The following KIF13B variants were observed in gnomAD, a reference collection of about 807,000 sequenced individuals.
KIF13B encodes the protein kinesin-like protein KIF13B.
In KIF13B, 127 loss-of-function variants were observed where a neutral mutation model predicts 222.0. That is an observed-to-expected ratio of 0.57 (90% CI 0.50 to 0.66). KIF13B has a LOEUF of 0.66. KIF13B is among the 30% of genes least tolerant of loss of function. The pLI, the probability that KIF13B is intolerant of heterozygous loss-of-function variation, is 0.00. For missense variants in KIF13B, 2,173 were observed against 2,379.0 expected (o/e 0.91, Z 1.80); for synonymous variants, 976 against 919.0 (o/e 1.06, Z -1.12).
In KIF13B at chr8:29,216,285, C is replaced by T. The variant is rs145685931; in HGVS notation, c.150-20086G>A. Among the ~76,000 whole-genome samples, 64 of 152,254 alleles carry T rather than the reference C, an allele frequency of 4.2e-4. 1 individual carries two copies. Among genetic ancestry groups the T allele is most frequent in the African/African-American group, 1.5e-3 (63 of 41,542 alleles). On this transcript the variant is annotated intron_variant, in intron 2 of 39. Coordinates refer to ENST00000524189, the MANE Select transcript of KIF13B (RefSeq NM_015254.4). Reference sequence around the variant, plus strand: ...TTCAGTAACAAAGCTAGATTCAAACCTAGGTCTCTCATTCTAAAGCCACGT... The same window carrying T: ...TTCAGTAACAAAGCTAGATTCAAACTTAGGTCTCTCATTCTAAAGCCACGT...
At chr8:29,084,643 G>C (rs1210167209) in intron 37 of KIF13B, among the ~76,000 whole-genome samples, 1 of 152,170 alleles carries the variant, frequency 6.6e-6, no homozygotes, top group East Asian at 1.9e-4. Context: ...TAATTCTCCA[G>C]ATTCATCAAA....
chr8:29,170,557 T>C (rs1812192446), intron 10 of KIF13B, among the ~76,000 whole-genome samples: 1 of 151,706 alleles, frequency 6.6e-6, no homozygotes, highest in Non-Finnish European at 1.5e-5. Flanking sequence ...GACCCAAAGA[T>C]AGAGAAGCAT....
intron 2 of KIF13B, among the ~76,000 whole-genome samples, chr8:29,205,920 C>CAA (rs34524562): frequency 2.1e-5 from 3 of 144,926 alleles, no homozygotes; most frequent in African/African-American, 7.7e-5. Context: ...CCATTTCTAC[C>CAA]AAAAAAAAAA....
chr8:29,177,644 G>C (rs1437409175), intron 8 of KIF13B, 66 bp from the exon 9 acceptor site: 12 of 1,055,594 alleles, frequency 1.1e-5, no homozygotes, highest in Non-Finnish European at 1.6e-5. Flanking sequence ...GCTCATGCCA[G>C]TAATCCCAGC....
At chr8:29,152,504 A>G (rs1424803927) in intron 14 of KIF13B, among the ~76,000 whole-genome samples, 1 of 152,086 alleles carries the variant, frequency 6.6e-6, no homozygotes, top group Non-Finnish European at 1.5e-5. Context: ...CAAAACTACC[A>G]CCTTGATCAG....
intron 28 of KIF13B, 112 bp downstream of exon 28, chr8:29,123,254 T>TC (rs1371681647): frequency 4.2e-5 from 50 of 1,178,000 alleles, no homozygotes; most frequent in African/African-American, 6.1e-5. Context: ...AAACAACATT[T>TC]CCCCCCATGC....
At chr8:29,200,752 T>C (rs1374529906) in intron 2 of KIF13B, among the ~76,000 whole-genome samples, 1 of 152,232 alleles carries the variant, frequency 6.6e-6, no homozygotes. Context: ...TGGGGCACTT[T>C]GTCTGTCATG....
chr8:29,175,859 T>C (rs1304789980), intron 10 of KIF13B, among the ~76,000 whole-genome samples: 1 of 152,186 alleles, frequency 6.6e-6, no homozygotes, highest in Admixed American at 6.5e-5. Flanking sequence ...CCCCACTGCA[T>C]CCAGGTTCTA....
At chr8:29,228,836 A>C (rs537094620) in intron 2 of KIF13B, among the ~76,000 whole-genome samples, 6 of 152,104 alleles carry the variant, frequency 3.9e-5, no homozygotes, top group Admixed American at 3.9e-4. Flanking sequence ...CTCTCACCTA[A>C]CTCTAAACAT....
At chr8:29,228,736 T>G (rs968176564) in intron 2 of KIF13B, among the ~76,000 whole-genome samples, 11 of 152,072 alleles carry the variant, frequency 7.2e-5, no homozygotes, top group Non-Finnish European at 1.6e-4. Context: ...ATGCTGTGGC[T>G]GCTTGCTAAT....
intron 24 of KIF13B, among the ~76,000 whole-genome samples, chr8:29,128,244 G>A (rs1212199542): frequency 3.3e-5 from 5 of 151,876 alleles, no homozygotes; most frequent in Admixed American, 3.3e-4. Flanking sequence ...TATTTTAAAA[G>A]AGAATTCACA....
At chr8:29,161,698 A>ACC (rs1404351502) in intron 12 of KIF13B, among the ~76,000 whole-genome samples, 47 of 56,542 alleles carry the variant, frequency 8.3e-4, no homozygotes, top group East Asian at 6.7e-3. Flanking sequence ...TCCATCTCAA[A>ACC]ACCCCCCCCC....
intron 1 of KIF13B, among the ~76,000 whole-genome samples, chr8:29,254,274 T>C (rs1341999261): frequency 2.6e-5 from 4 of 152,186 alleles, no homozygotes; most frequent in African/African-American, 9.7e-5. Flanking sequence ...TGTTAGATAA[T>C]GGTTTCTCAG....
At chr8:29,110,152 G>A in intron 32 of KIF13B, 82 bp from the exon 33 acceptor site, 1 of 1,178,044 alleles carries the variant, frequency 8.5e-7, no homozygotes, top group Non-Finnish European at 1.2e-6. Context: ...CAGACACACA[G>A]AACGTATTCC....
intron 2 of KIF13B, among the ~76,000 whole-genome samples, chr8:29,240,046 A>G (rs1815697394): frequency 6.6e-6 from 1 of 151,956 alleles, no homozygotes; most frequent in South Asian, 2.1e-4. Flanking sequence ...GGAAAAAAAA[A>G]AAAAGAAAGA....
chr8:29,209,995 G>A (rs1412979828), intron 2 of KIF13B, among the ~76,000 whole-genome samples: 1 of 151,932 alleles, frequency 6.6e-6, no homozygotes, highest in Non-Finnish European at 1.5e-5. Flanking sequence ...GGTCAAGGCT[G>A]CAGTAAGCCA....
intron 5 of KIF13B, among the ~76,000 whole-genome samples, chr8:29,187,021 A>C (rs1050497410): frequency 2.6e-5 from 4 of 151,838 alleles, no homozygotes; most frequent in Non-Finnish European, 5.9e-5. Context: ...CTCATACTTT[A>C]AGAAAATACC....
Position 29,233,073 on chromosome 8 carries a change from T to C in KIF13B, c.149+12273A>G, listed in dbSNP as rs570447774. 3.3e-5 allele frequency among the ~76,000 whole-genome samples: 5 copies of C among 152,320 alleles called. No homozygotes were observed. In the East Asian group the frequency reaches 9.6e-4, roughly 29 times the overall value. On this transcript the variant is annotated intron_variant, in intron 2 of 39. Coordinates refer to ENST00000524189, the MANE Select transcript of KIF13B (RefSeq NM_015254.4). Reference sequence around the variant, plus strand: ...CAGGAGGCTGAGGCAGGAGAATCACTTGAACCCGAGAGGTGGAGGTTGCAG... The same window carrying C: ...CAGGAGGCTGAGGCAGGAGAATCACCTGAACCCGAGAGGTGGAGGTTGCAG...
chr8:29,122,522 TG>T, intron 29 of KIF13B, 68 bp downstream of exon 29: 1 of 1,279,926 alleles, frequency 7.8e-7, no homozygotes, highest in South Asian at 1.3e-5. Flanking sequence ...TGCACTTGGT[TG>T]GAATCTACAT....
Sources: allele counts gnomAD v4.1 joint callset (sites outside exome capture counted in the v4.1 genomes callset), GRCh38; gene constraint gnomAD v4.1.1; transcripts MANE v1.5; gene names NCBI Gene and HGNC (gene_info 2026-07-23, HGNC 2026-07-21).